The following MAML2 variants were observed in gnomAD, a reference collection of about 807,000 sequenced individuals.
The protein encoded by MAML2 is mastermind-like protein 2.
In MAML2, 22 loss-of-function variants were observed where a neutral mutation model predicts 96.1. The ratio of observed to expected loss-of-function variants is 0.23; its 90% CI spans 0.16 to 0.33. The LOEUF (loss-of-function observed/expected upper bound fraction) is 0.33. MAML2 is among the 10% of genes least tolerant of loss of function. The probability of loss-of-function intolerance (pLI) is 1.00; values close to 1 mark genes in which losing one functional copy is unlikely to be tolerated. For missense variants in MAML2, 1,367 were observed against 1,392.4 expected, an observed-to-expected ratio of 0.98 and a Z score of 0.29; for synonymous variants, 561 against 521.3, an observed-to-expected ratio of 1.08 and a Z score of -1.04.
In MAML2 at chr11:96,087,610, C is replaced by T. The variant is rs116332877; in HGVS notation, c.2139+4282G>A. On this transcript the variant is annotated intron_variant, in intron 2 of 4. Transcript: ENST00000524717. ...TCATGTCATTATATTTACCCTTGAC[C>T]GCAGGTATGTCACCATTTTTTTAGC... Among the ~76,000 whole-genome samples, 344 of 152,284 alleles carry T rather than the reference C, an allele frequency of 2.3e-3. 1 individual carries two copies. The highest frequency in any genetic ancestry group is 7.7e-3 in the African/African-American group (319 of 41,558).
At chr11:96,193,648 TTCAAA>T (rs776603309) in intron 1 of MAML2, among the ~76,000 whole-genome samples, 2 of 152,226 alleles carry the variant, frequency 1.3e-5, no homozygotes, top group Non-Finnish European at 2.9e-5. Context: ...ATTTACCAAT[TTCAAA>T]TGAAGTGCTC....
intron 1 of MAML2, among the ~76,000 whole-genome samples, chr11:96,164,735 C>T (rs139576258): frequency 4.5e-4 from 68 of 152,266 alleles, no homozygotes; most frequent in African/African-American, 1.4e-3. Context: ...ATGGGCACCG[C>T]GGACCATGTA....
intron 1 of MAML2, among the ~76,000 whole-genome samples, chr11:96,258,380 T>C (rs1862698251): frequency 6.6e-6 from 1 of 152,194 alleles, no homozygotes; most frequent in Non-Finnish European, 1.5e-5. Flanking sequence ...GTGGATTATA[T>C]TTTCTAGTGC....
At chr11:96,182,146 T>TA (rs1360674427) in intron 1 of MAML2, among the ~76,000 whole-genome samples, 1 of 152,148 alleles carries the variant, frequency 6.6e-6, no homozygotes. Context: ...TTAATTTCTA[T>TA]AAAATTGAAT....
intron 1 of MAML2, among the ~76,000 whole-genome samples, chr11:96,271,653 G>GCTTC (rs532588710): frequency 6.6e-4 from 101 of 152,224 alleles, no homozygotes; most frequent in African/African-American, 2.2e-3. Flanking sequence ...AGATGTGTTT[G>GCTTC]CTTCCCCTCC....
At chr11:95,986,671 C>A (rs1857834270) in intron 3 of MAML2, among the ~76,000 whole-genome samples, 1 of 152,090 alleles carries the variant, frequency 6.6e-6, no homozygotes, top group Non-Finnish European at 1.5e-5. Context: ...GAAATTAAAG[C>A]CTTGTTAGGC....
chr11:96,124,999 G>C lies in MAML2; in HGVS notation c.514-31482C>G, dbSNP rs1860414359. On this transcript the variant is annotated intron_variant, in intron 1 of 4. Transcript: ENST00000524717. ...TTAATTGACACCTGTCTCCTAAATT[G>C]GGCCTTTTGTTACATATCACATGAG... Among the ~76,000 whole-genome samples the C allele has an allele frequency of 2.0e-5, 3 of 152,150 alleles. No individual in the cohort carries two copies. The South Asian group carries it at 6.2e-4, about 32-fold the overall frequency.
intron 2 of MAML2, among the ~76,000 whole-genome samples, chr11:96,005,158 A>G (rs564270664): frequency 8.3e-4 from 127 of 152,354 alleles, no homozygotes; most frequent in African/African-American, 3.0e-3. Context: ...TTCTTTATAA[A>G]TTACCCATTC....
intron 1 of MAML2, among the ~76,000 whole-genome samples, chr11:96,265,704 G>A (rs1862815548): frequency 6.6e-6 from 1 of 152,214 alleles, no homozygotes; most frequent in African/African-American, 2.4e-5. Flanking sequence ...GCGGCTAGAC[G>A]TTGAGTGGAA....
At chr11:96,109,890 T>C (rs1320224854) in intron 1 of MAML2, among the ~76,000 whole-genome samples, 1 of 152,082 alleles carries the variant, frequency 6.6e-6, no homozygotes, top group East Asian at 1.9e-4. Flanking sequence ...GTTGAAGGAA[T>C]GAATGTGGCT....
intron 2 of MAML2, among the ~76,000 whole-genome samples, chr11:96,005,917 T>A (rs1458561861): frequency 6.6e-6 from 1 of 151,426 alleles, no homozygotes; most frequent in African/African-American, 2.5e-5. Context: ...AATTTTGACA[T>A]ACTTTTTCTC....
intron 1 of MAML2, among the ~76,000 whole-genome samples, chr11:96,123,356 T>C (rs182576761): frequency 2.9e-4 from 44 of 152,054 alleles, no homozygotes; most frequent in Admixed American, 2.4e-3. Context: ...CTCCTCCAGG[T>C]CAGGGAGCTC....
intron 2 of MAML2, among the ~76,000 whole-genome samples, chr11:95,998,970 G>A (rs184174454): frequency 6.6e-6 from 1 of 152,248 alleles, no homozygotes; most frequent in East Asian, 1.9e-4. Flanking sequence ...GAGAACACAT[G>A]AACTCTTTTA....
At chr11:96,143,594 C>T (rs1357406637) in intron 1 of MAML2, among the ~76,000 whole-genome samples, 1 of 152,150 alleles carries the variant, frequency 6.6e-6, no homozygotes, top group African/African-American at 2.4e-5. Flanking sequence ...GTGTCTGTAA[C>T]TTTCCTTCCC....
chr11:96,190,816 A>C (rs987776064), intron 1 of MAML2, among the ~76,000 whole-genome samples: 2 of 152,202 alleles, frequency 1.3e-5, no homozygotes, highest in African/African-American at 2.4e-5. Flanking sequence ...AATGTAACTC[A>C]AGTTATCAAA....
intron 1 of MAML2, among the ~76,000 whole-genome samples, chr11:96,173,606 T>C (rs1362029755): frequency 6.6e-6 from 1 of 152,092 alleles, no homozygotes; most frequent in South Asian, 2.1e-4. Flanking sequence ...GAATAACTCG[T>C]AAGAGGAAGA....
intron 2 of MAML2, among the ~76,000 whole-genome samples, chr11:96,038,812 G>A (rs1858759318): frequency 6.6e-6 from 1 of 151,880 alleles, no homozygotes. Context: ...TATACTTATT[G>A]TTCATCTACT....
rs1206847540 is a variant in MAML2, at chr11:95,977,631, A to C, written c.*1317T>G. The C allele has an allele frequency of 1.4e-5, 3 of 215,780 alleles. No individual in the cohort carries two copies. Among genetic ancestry groups the C allele is most frequent in the Non-Finnish European group, 2.8e-5 (3 of 107,052 alleles). 13.4% of individuals were successfully genotyped at this position (215,780 alleles called of 1,614,324 possible). A position where few individuals can be genotyped will look rare whatever the true frequency, so the allele number is the denominator to read the frequency against. On this transcript the variant is annotated 3_prime_UTR_variant, in exon 5 of 5. Transcript: ENST00000524717. ...ACACGTCTTCCCCATTTTACAGCTGATCTGGATGTGGACACTAAGGTTAAA... is the reference window on the plus strand; with the variant it reads ...ACACGTCTTCCCCATTTTACAGCTGCTCTGGATGTGGACACTAAGGTTAAA...
chr11:96,311,936 T>C (rs1438112233), intron 1 of MAML2, among the ~76,000 whole-genome samples: 1 of 152,132 alleles, frequency 6.6e-6, no homozygotes, highest in African/African-American at 2.4e-5. Context: ...TAAAGATCTA[T>C]GTAGCTAGAA....
Sources: gnomAD v4.1 joint callset for allele counts (sites outside exome capture counted in the v4.1 genomes callset) on GRCh38, gnomAD v4.1.1 for gene constraint, MANE v1.5 for transcripts, NCBI Gene and HGNC (gene_info 2026-07-23, HGNC 2026-07-21) for gene names.